ZNF362: variants seen among roughly 807,000 people sequenced by gnomAD.
ZNF362 encodes the protein zinc finger protein 362.
ZNF362 carries 11 observed loss-of-function variants against 42.9 expected under a neutral mutation model. The observed-to-expected ratio is 0.26, with a 90% CI of 0.16 to 0.42. The LOEUF (loss-of-function observed/expected upper bound fraction) is 0.42, where lower values mean the gene tolerates loss of function less well. Among genes scored for constraint, ZNF362 ranks in the 20% least tolerant of loss-of-function variants. ZNF362 has a pLI of 1.00. For synonymous variants in ZNF362, 255 were observed against 257.3 expected (o/e 0.99, Z 0.09); for missense variants, 362 against 576.2 (o/e 0.63, Z 3.81).
chr1:33,221,497 C>T, the ZNF362 span, among the ~76,000 whole-genome samples: 2 of 152,320 alleles, frequency 1.3e-5, no homozygotes, highest in Admixed American at 1.3e-4. Flanking sequence ...TTTGTATATC[C>T]ATAGTTTTCA....
chr1:33,165,635 T>G, the ZNF362 span: 284 of 1,365,436 alleles, frequency 2.1e-4, no homozygotes, highest in Non-Finnish European at 2.7e-4. The surrounding 1 kb of genome is among the most constrained non-coding windows in gnomAD (Gnocchi z 4.0). Flanking sequence ...CCCTGACCAC[T>G]GCCAGGCGCT....
At chr1:33,259,360 G>T (rs12033146) in intron 1 of ZNF362, among the ~76,000 whole-genome samples, 10 of 152,296 alleles carry the variant, frequency 6.6e-5, no homozygotes, top group East Asian at 1.9e-4. Flanking sequence ...TGCAGTCTTG[G>T]GGGGTGGAGG....
chr1:33,155,795 G>T, the ZNF362 span, among the ~76,000 whole-genome samples: 2 of 152,236 alleles, frequency 1.3e-5, no homozygotes, highest in African/African-American at 4.8e-5. Flanking sequence ...TCTGCTGCCA[G>T]TCAGTTTGAA....
the ZNF362 span, among the ~76,000 whole-genome samples, chr1:33,210,315 T>C: frequency 6.6e-6 from 1 of 152,238 alleles, no homozygotes; most frequent in Non-Finnish European, 1.5e-5. Flanking sequence ...TCTGTTCTTT[T>C]ACATTTGCTG....
At chr1:33,218,932 T>TACACACACACACACACACAC in the ZNF362 span, among the ~76,000 whole-genome samples, 4 of 121,000 alleles carry the variant, frequency 3.3e-5, no homozygotes, top group Non-Finnish European at 3.5e-5. Flanking sequence ...GAGCTGGACA[T>TACACACACACACACACACAC]ACACACACAC....
intron 1 of ZNF362, among the ~76,000 whole-genome samples, chr1:33,258,553 G>A (rs1645809054): frequency 6.6e-6 from 1 of 152,140 alleles, no homozygotes; most frequent in South Asian, 2.1e-4. Flanking sequence ...GAGAGGAAGT[G>A]ACTTGCCTGA....
the ZNF362 span, among the ~76,000 whole-genome samples, chr1:33,177,194 C>T: frequency 6.6e-6 from 1 of 152,202 alleles, no homozygotes; most frequent in Admixed American, 6.5e-5. This position sits in a 1 kb window ranked among gnomAD's most constrained non-coding sequence, Gnocchi z 4.1. Context: ...TAACTCCTGC[C>T]ATGTTTCATG....
At chr1:33,153,204 A>C in the ZNF362 span, among the ~76,000 whole-genome samples, 1 of 152,124 alleles carries the variant, frequency 6.6e-6, no homozygotes, top group Non-Finnish European at 1.5e-5. Flanking sequence ...TCCCATCTGG[A>C]CATAAAGGGC....
the ZNF362 span, among the ~76,000 whole-genome samples, chr1:33,198,065 A>T: frequency 1.7e-3 from 260 of 152,314 alleles, 3 homozygotes; most frequent in East Asian, 0.023. Context: ...TCTCAGAGTA[A>T]CTTAACTACA....
chr1:33,200,037 CA>C, the ZNF362 span: 3 of 152,178 alleles, frequency 2.0e-5, no homozygotes, highest in East Asian at 1.9e-4. Context: ...AACAAACAAA[CA>C]AAACAAAACA....
the ZNF362 span, among the ~76,000 whole-genome samples, chr1:33,192,523 A>T: frequency 6.6e-6 from 1 of 152,208 alleles, no homozygotes; most frequent in Non-Finnish European, 1.5e-5. Flanking sequence ...AGAAGTGGGA[A>T]TTGATAAAGA....
intron 6 of ZNF362, among the ~76,000 whole-genome samples, chr1:33,284,199 C>T (rs1315247303): frequency 1.3e-5 from 2 of 152,184 alleles, no homozygotes; most frequent in Non-Finnish European, 2.9e-5. Flanking sequence ...ACCTTAAAGG[C>T]TGAAATTCCA....
chr1:33,163,888 A>G, the ZNF362 span: 1 of 152,970 alleles, frequency 6.5e-6, no homozygotes, highest in Non-Finnish European at 1.5e-5. Context: ...CTCGAGGGGG[A>G]TGTGGCCCCA....
Position 33,295,049 on chromosome 1 carries a change from C to G in ZNF362, c.987+34C>G, listed in dbSNP as rs746298091. On this transcript the variant is annotated intron_variant, in intron 7 of 8. Transcript: ENST00000539719. The stretch of plus-strand genomic sequence containing the variant: ...CTGCCTGCCTCCTGCCCACCAGGTG[C>G]TCTGGTGCCCCCCCACCCACCCCCA... The G allele has an allele frequency of 4.3e-6, 7 of 1,612,264 alleles. No homozygotes were observed. In the African/African-American group the frequency reaches 8.0e-5, roughly 18 times the overall value.
At chr1:33,203,742 T>C in the ZNF362 span, among the ~76,000 whole-genome samples, 1 of 152,242 alleles carries the variant, frequency 6.6e-6, no homozygotes, top group Non-Finnish European at 1.5e-5. Flanking sequence ...CACCTTTTCA[T>C]ACACGTATTG....
chr1:33,147,428 C>A, the ZNF362 span: 2 of 1,614,128 alleles, frequency 1.2e-6, no homozygotes, highest in South Asian at 1.1e-5. The surrounding 1 kb of genome is among the most constrained non-coding windows in gnomAD (Gnocchi z 8.1). Context: ...TGGTTGCCAT[C>A]GTGCATCACG....
chr1:33,293,959 T>C (rs1260265725), intron 6 of ZNF362, among the ~76,000 whole-genome samples: 1 of 152,212 alleles, frequency 6.6e-6, no homozygotes, highest in Non-Finnish European at 1.5e-5. Context: ...TTCCCGTCAC[T>C]CATGGTCTCC....
intron 6 of ZNF362, among the ~76,000 whole-genome samples, chr1:33,288,116 C>T (rs1448026236): frequency 6.6e-6 from 1 of 152,062 alleles, no homozygotes; most frequent in East Asian, 1.9e-4. Flanking sequence ...ATTTTATGAA[C>T]ACCCATTAAA....
chr1:33,287,320 C>G (rs1340454573), intron 6 of ZNF362, among the ~76,000 whole-genome samples: 1 of 152,130 alleles, frequency 6.6e-6, no homozygotes, highest in East Asian at 1.9e-4. Context: ...AGACCCATCT[C>G]TACAGAAAAT....
Sources: allele counts gnomAD v4.1 joint callset (sites outside exome capture counted in the v4.1 genomes callset), GRCh38; gene constraint gnomAD v4.1.1; non-coding constraint Gnocchi (gnomAD v3.1); transcripts MANE v1.5; gene names NCBI Gene and HGNC (gene_info 2026-07-23, HGNC 2026-07-21).